SCFD2: variants seen among roughly 807,000 people sequenced by gnomAD.
The protein encoded by SCFD2 is sec1 family domain-containing protein 2.
A neutral mutation model predicts 58.9 loss-of-function variants in SCFD2; 54 were observed. The ratio of observed to expected loss-of-function variants is 0.92; its 90% CI spans 0.74 to 1.15. SCFD2 has a LOEUF of 1.15. SCFD2 is among the 50% of genes most tolerant of loss of function. SCFD2 has a pLI of 0.00. For synonymous variants in SCFD2, 321 were observed against 335.9 expected, an observed-to-expected ratio of 0.96 and a Z score of 0.49; for missense variants, 805 against 836.6, an observed-to-expected ratio of 0.96 and a Z score of 0.47.
At chr4:52,941,183 T>C (rs147952605) in intron 5 of SCFD2, among the ~76,000 whole-genome samples, 45 of 152,246 alleles carry the variant, frequency 3.0e-4, no homozygotes, top group Non-Finnish European at 5.9e-4. Flanking sequence ...ATTAAGCACA[T>C]ATTAATTGAA....
At chr4:53,356,720 C>CA (rs1184065186) in intron 1 of SCFD2, among the ~76,000 whole-genome samples, 12 of 149,700 alleles carry the variant, frequency 8.0e-5, no homozygotes, top group African/African-American at 2.9e-4. Flanking sequence ...TCACCACACC[C>CA]AACTTGTAGA....
rs751937973 is a variant in SCFD2, at chr4:53,145,315, T to A, written c.1561+18A>T. ...GTATCAGTGATGTTTGTGTCCTGTA[T>A]CTTTGTTAGACACTCACCCGTAATT... On this transcript the variant is annotated intron_variant, in intron 5 of 8. Coordinates refer to ENST00000401642, the MANE Select transcript of SCFD2 (RefSeq NM_152540.4). 1.2e-5 allele frequency: 20 copies of A among 1,613,112 alleles called. No homozygotes were observed. The highest frequency in any genetic ancestry group is 3.4e-6 in the Non-Finnish European group (4 of 1,179,642).
chr4:52,895,413 C>T (rs761400002), intron 7 of SCFD2, among the ~76,000 whole-genome samples: 7 of 152,082 alleles, frequency 4.6e-5, no homozygotes, highest in Non-Finnish European at 8.8e-5. Context: ...TGAGTGAGAA[C>T]ATGCGGTGTT....
intron 4 of SCFD2, among the ~76,000 whole-genome samples, chr4:53,160,864 G>A (rs1726832250): frequency 6.6e-6 from 1 of 152,156 alleles, no homozygotes; most frequent in Non-Finnish European, 1.5e-5. Context: ...ATACAATTCT[G>A]ATAGTGAGAA....
chr4:53,005,388 C>T (rs1721951110), intron 5 of SCFD2, among the ~76,000 whole-genome samples: 1 of 152,220 alleles, frequency 6.6e-6, no homozygotes, highest in Non-Finnish European at 1.5e-5. Flanking sequence ...GGAGGTCAGG[C>T]ATTTGACCCT....
chr4:53,161,329 T>C (rs1183239361), intron 4 of SCFD2, among the ~76,000 whole-genome samples: 1 of 152,200 alleles, frequency 6.6e-6, no homozygotes, highest in Non-Finnish European at 1.5e-5. Flanking sequence ...CCAGCCATAT[T>C]TCCTGAGTCC....
At chr4:53,211,784 C>A (rs147564336) in intron 4 of SCFD2, among the ~76,000 whole-genome samples, 2 of 152,088 alleles carry the variant, frequency 1.3e-5, no homozygotes, top group Non-Finnish European at 2.9e-5. Flanking sequence ...TTCCTCCATA[C>A]AGTCAGTAGT....
chr4:53,206,574 A>T (rs1316627395), intron 4 of SCFD2, among the ~76,000 whole-genome samples: 1 of 152,126 alleles, frequency 6.6e-6, no homozygotes, highest in African/African-American at 2.4e-5. Flanking sequence ...TTTAATCGTA[A>T]AAACTCCACT....
At chr4:53,240,705 G>C (rs939167024) in intron 4 of SCFD2, among the ~76,000 whole-genome samples, 1 of 152,226 alleles carries the variant, frequency 6.6e-6, no homozygotes, top group Non-Finnish European at 1.5e-5. Flanking sequence ...TGCAGCTCTG[G>C]TTCTGAACAA....
intron 8 of SCFD2, among the ~76,000 whole-genome samples, chr4:52,879,641 G>T (rs919941105): frequency 3.9e-5 from 6 of 152,190 alleles, no homozygotes; most frequent in Non-Finnish European, 7.3e-5. Context: ...GGGGATGTTC[G>T]GTCTTTGTTC....
chr4:52,937,008 G>A (rs1344529714), intron 5 of SCFD2, among the ~76,000 whole-genome samples: 2 of 152,218 alleles, frequency 1.3e-5, no homozygotes, highest in African/African-American at 4.8e-5. Flanking sequence ...TCAATGGTGA[G>A]AAATAGACAT....
At chr4:53,186,634 A>G (rs1727745596) in intron 4 of SCFD2, among the ~76,000 whole-genome samples, 1 of 152,096 alleles carries the variant, frequency 6.6e-6, no homozygotes, top group Admixed American at 6.6e-5. Context: ...GAGATAAAAC[A>G]TTTAAATATT....
chr4:52,955,610 A>G (rs1209245602), intron 5 of SCFD2, among the ~76,000 whole-genome samples: 1 of 152,216 alleles, frequency 6.6e-6, no homozygotes, highest in African/African-American at 2.4e-5. Flanking sequence ...AGTCCAACCA[A>G]GCAGTTGAAC....
chr4:53,171,011 C>G (rs562941044), intron 4 of SCFD2, among the ~76,000 whole-genome samples: 1 of 152,304 alleles, frequency 6.6e-6, no homozygotes, highest in East Asian at 1.9e-4. Context: ...TTGATGCCTT[C>G]TGTTTCTTTC....
intron 5 of SCFD2, among the ~76,000 whole-genome samples, chr4:53,026,501 C>T (rs1461859042): frequency 3.9e-5 from 6 of 152,148 alleles, no homozygotes; most frequent in African/African-American, 1.4e-4. Flanking sequence ...GCCACAAGGC[C>T]AGTTTTTAAA....
chr4:53,094,703 A>G (rs902117749), intron 5 of SCFD2, among the ~76,000 whole-genome samples: 5 of 151,406 alleles, frequency 3.3e-5, no homozygotes, highest in African/African-American at 9.7e-5. Flanking sequence ...ATGTGCTTTT[A>G]TTTCTTTTAT....
intron 4 of SCFD2, among the ~76,000 whole-genome samples, chr4:53,213,495 T>C (rs941007112): frequency 6.6e-6 from 1 of 152,062 alleles, no homozygotes; most frequent in South Asian, 2.1e-4. Flanking sequence ...TCATGCTCTG[T>C]AAAAAGCCTC....
intron 2 of SCFD2, among the ~76,000 whole-genome samples, chr4:53,320,826 C>T (rs994950223): frequency 1.3e-5 from 2 of 152,094 alleles, no homozygotes; most frequent in African/African-American, 4.8e-5. Context: ...TTACCAACAG[C>T]TTGTGGAATA....
intron 4 of SCFD2, among the ~76,000 whole-genome samples, chr4:53,231,896 T>C (rs1729451873): frequency 6.6e-6 from 1 of 152,120 alleles, no homozygotes; most frequent in Non-Finnish European, 1.5e-5. Flanking sequence ...GTAATTATCT[T>C]CCTTTTAGTC....
Sources: allele counts gnomAD v4.1 joint callset (sites outside exome capture counted in the v4.1 genomes callset), GRCh38; gene constraint gnomAD v4.1.1; transcripts MANE v1.5; gene names NCBI Gene and HGNC (gene_info 2026-07-23, HGNC 2026-07-21).